STMN4: variants seen among roughly 807,000 people sequenced by gnomAD.
STMN4 encodes the protein stathmin-4.
Under a neutral mutation model 29.1 loss-of-function variants are expected in STMN4, and 12 were observed. The ratio of observed to expected loss-of-function variants is 0.41; its 90% CI spans 0.26 to 0.67. The LOEUF (loss-of-function observed/expected upper bound fraction) is 0.67. Ranked by LOEUF, STMN4 falls within the 30% of genes least tolerant of loss-of-function variation. STMN4 has a pLI of 0.30. For missense variants in STMN4, 181 were observed against 262.8 expected, an observed-to-expected ratio of 0.69 and a Z score of 2.15; for synonymous variants, 114 against 105.3, an observed-to-expected ratio of 1.08 and a Z score of -0.51.
intron 6 of STMN4, among the ~76,000 whole-genome samples, chr8:27,237,606 C>T (rs1801346706): frequency 6.6e-6 from 1 of 152,142 alleles, no homozygotes; most frequent in South Asian, 2.1e-4. Flanking sequence ...TGTTGCCCAA[C>T]TCCAAAAAGT....
At chr8:27,254,430 A>G (rs1048436711) in intron 1 of STMN4, among the ~76,000 whole-genome samples, 11 of 152,074 alleles carry the variant, frequency 7.2e-5, no homozygotes, top group African/African-American at 1.9e-4. Context: ...GAATCAGGCC[A>G]TCCAGCCCCA....
At chr8:27,248,636 G>A (rs556377978) in intron 1 of STMN4, among the ~76,000 whole-genome samples, 1 of 152,326 alleles carries the variant, frequency 6.6e-6, no homozygotes, top group Non-Finnish European at 1.5e-5. Context: ...GGCAGGAAAA[G>A]CACGGCTGTT....
chr8:27,251,330 G>GTA (rs1021028071), intron 1 of STMN4, among the ~76,000 whole-genome samples: 4 of 111,560 alleles, frequency 3.6e-5, no homozygotes, highest in African/African-American at 1.0e-4. Flanking sequence ...GTATATACGT[G>GTA]TATATATATT....
intron 1 of STMN4, among the ~76,000 whole-genome samples, chr8:27,246,450 G>C (rs1801626482): frequency 2.6e-5 from 4 of 152,202 alleles, no homozygotes; most frequent in Admixed American, 2.6e-4. Flanking sequence ...TGAAATCGAG[G>C]CTCAGGGAAG....
rs551209340 is a variant in STMN4 at position 27,258,124 on chromosome 8, C to T, written c.-79+227G>A. Reference sequence around the variant, plus strand: ...TCCCACCCATCCTGCCTCTCCTGAGCTCTGGAATAAAAGTGGCACCCGGAG... The same window carrying T: ...TCCCACCCATCCTGCCTCTCCTGAGTTCTGGAATAAAAGTGGCACCCGGAG... On this transcript the variant is annotated intron_variant, in intron 1 of 6. Coordinates refer to ENST00000350889, the MANE Select transcript of STMN4 (RefSeq NM_030795.4). Among the ~76,000 whole-genome samples, 82 of 152,278 alleles carry T rather than the reference C, an allele frequency of 5.4e-4. 1 individual carries two copies. The highest frequency in any genetic ancestry group is 3.4e-3 in the Middle Eastern group (1 of 294).
Position 27,241,720 on chromosome 8 carries a change from G to A in STMN4, c.147C>T (p.Ser49=), listed in dbSNP as rs1206737800. 1.2e-6 allele frequency: 2 copies of A among 1,614,016 alleles called. No individual in the cohort carries two copies. The highest frequency in any genetic ancestry group is 2.7e-5 in the African/African-American group (2 of 74,906). Residue 49 remains serine (S), a synonymous_variant, in exon 4 of 7, where the codon AGC becomes AGT. Transcript: ENST00000350889. The stretch of plus-strand genomic sequence containing the variant: ...TCCAGTCAGCACTGTCTTTCCGCTG[G>A]CTTTCATCCTTCCTCCTACACTGTC... The part of the protein sequence containing the change: ...CGRQCRRKDE[S]QRKDSADWRE...
chr8:27,250,998 C>A (rs1313720231), intron 1 of STMN4, among the ~76,000 whole-genome samples: 1 of 150,982 alleles, frequency 6.6e-6, no homozygotes, highest in African/African-American at 2.4e-5. Context: ...CCTGTAATCC[C>A]AACACTTTGG....
At chr8:27,242,075 A>G (rs1801490726) in intron 3 of STMN4, 1 of 562,346 alleles carries the variant, frequency 1.8e-6, no homozygotes, top group East Asian at 2.9e-5. Flanking sequence ...TCTGGTCTAG[A>G]TGTTCCCCAC....
At chr8:27,253,204 A>C (rs937224874) in intron 1 of STMN4, among the ~76,000 whole-genome samples, 1 of 152,232 alleles carries the variant, frequency 6.6e-6, no homozygotes, top group East Asian at 1.9e-4. Context: ...TCTGGCCCAC[A>C]TTGAACTACG....
At chr8:27,243,957 C>A (rs1446984055) in intron 1 of STMN4, among the ~76,000 whole-genome samples, 156 bp from the exon 2 acceptor site, 1 of 152,188 alleles carries the variant, frequency 6.6e-6, no homozygotes, top group East Asian at 1.9e-4. Context: ...GGGTCCCCTA[C>A]CCCGACCTCC....
In STMN4 at chr8:27,247,962, C is replaced by A. The variant is rs188890692; in HGVS notation, c.-78-4161G>T. ...CCCTTCTATTGCCCCTAAGGAAGAC[C>A]AGGAAATTCATTGCATCCAGCAGCA... On this transcript the variant is annotated intron_variant, in intron 1 of 6. Coordinates refer to ENST00000350889, the MANE Select transcript of STMN4 (RefSeq NM_030795.4). Among the ~76,000 whole-genome samples, 16 of 152,292 alleles carry A rather than the reference C, an allele frequency of 1.1e-4. No homozygotes were observed. In the East Asian group the frequency reaches 3.1e-3, roughly 29 times the overall value.
At chr8:27,255,754 G>A (rs1006608766) in intron 1 of STMN4, among the ~76,000 whole-genome samples, 1 of 152,086 alleles carries the variant, frequency 6.6e-6, no homozygotes, top group Admixed American at 6.6e-5. Flanking sequence ...GGTTAAAAAT[G>A]GCCTAGTCCA....
chr8:27,242,284 G>A, intron 3 of STMN4, 113 bp downstream of exon 3: 1 of 1,081,194 alleles, frequency 9.2e-7, no homozygotes, highest in East Asian at 2.5e-5. Flanking sequence ...GCACTGGGAA[G>A]GAAACTGTCT....
intron 1 of STMN4, among the ~76,000 whole-genome samples, chr8:27,248,830 T>G (rs1050442983): frequency 6.6e-6 from 1 of 152,202 alleles, no homozygotes; most frequent in African/African-American, 2.4e-5. Flanking sequence ...TCTGGCAACA[T>G]TCGTTTGGGG....
At chr8:27,255,516 A>G (rs1338955602) in intron 1 of STMN4, among the ~76,000 whole-genome samples, 1 of 152,222 alleles carries the variant, frequency 6.6e-6, no homozygotes, top group East Asian at 1.9e-4. Flanking sequence ...CTATTATTTA[A>G]AAGCAAGAAC....
intron 1 of STMN4, among the ~76,000 whole-genome samples, chr8:27,252,531 T>A (rs944776794): frequency 2.0e-5 from 3 of 152,222 alleles, no homozygotes; most frequent in East Asian, 1.9e-4. Context: ...GCTTAAGTGA[T>A]CCTTTGGCCT....
intron 1 of STMN4, among the ~76,000 whole-genome samples, chr8:27,250,718 T>C (rs920717857): frequency 5.3e-5 from 8 of 152,166 alleles, no homozygotes; most frequent in African/African-American, 1.7e-4. Context: ...GAGGAAGAGA[T>C]GATGGGGACC....
chr8:27,238,808 G>A (rs1414792705), intron 6 of STMN4, among the ~76,000 whole-genome samples: 3 of 152,218 alleles, frequency 2.0e-5, no homozygotes, highest in African/African-American at 7.2e-5. Context: ...GCTTGCCTCA[G>A]GGACTTGTTG....
intron 3 of STMN4, 91 bp from the exon 4 acceptor site, chr8:27,241,848 AT>A: frequency 6.7e-7 from 1 of 1,489,652 alleles, no homozygotes; most frequent in Non-Finnish European, 9.4e-7. Flanking sequence ...TAACCAGGAC[AT>A]TAGGAGGTGA....
Sources: allele counts gnomAD v4.1 joint callset (sites outside exome capture counted in the v4.1 genomes callset), GRCh38; gene constraint gnomAD v4.1.1; transcripts MANE v1.5; gene names NCBI Gene and HGNC (gene_info 2026-07-23, HGNC 2026-07-21).